Variants in KDM3B observed in about 807,000 individuals in gnomAD.
KDM3B encodes lysine demethylase 3B.
Under a neutral mutation model 170.0 loss-of-function variants are expected in KDM3B, and 10 were observed. That is an observed-to-expected ratio of 0.06 (90% CI 0.04 to 0.10). The LOEUF is 0.10. Ranked by LOEUF, KDM3B falls within the 10% of genes least tolerant of loss-of-function variation. KDM3B has a pLI of 1.00. For synonymous variants in KDM3B, 831 were observed against 834.8 expected, an observed-to-expected ratio of 1.00 and a Z score of 0.08; for missense variants, 1,394 against 2,195.2, an observed-to-expected ratio of 0.64 and a Z score of 7.29.
intron 8 of KDM3B, 70 bp from the exon 9 acceptor site, chr5:138,393,101 C>G (rs1309400853): frequency 7.6e-6 from 11 of 1,447,322 alleles, no homozygotes; most frequent in Non-Finnish European, 1.1e-5. Context: ...TGTCTGTCCC[C>G]AAAAGAATCA....
At position 138,381,542 on chromosome 5, in the gene KDM3B, C is replaced by T; in HGVS notation, c.732C>T (p.Pro244=). The T allele has an allele frequency of 6.2e-7, 1 of 1,604,458 alleles. No individual in the cohort carries two copies. ...TESGEIKSVD[P]RLIHVMLMDN... is the part of the protein sequence containing the mutation. ...GTGGTGAGATCAAGTCGGTAGATCC[C>T]AGACTAATCCATGTGATGCTGATGG... Residue 244 remains proline, a synonymous_variant, in exon 6 of 24, where the codon CCC becomes CCT. Transcript: ENST00000314358.
chr5:138,377,575 C>G, intron 3 of KDM3B, 145 bp from the exon 4 acceptor site: 1 of 555,746 alleles, frequency 1.8e-6, no homozygotes, highest in Non-Finnish European at 3.2e-6. Flanking sequence ...GGCATGATCA[C>G]CACGCCTAGC....
chr5:138,370,470 T>G (rs926248645), intron 1 of KDM3B, among the ~76,000 whole-genome samples: 3 of 152,220 alleles, frequency 2.0e-5, no homozygotes, highest in Non-Finnish European at 1.5e-5. Context: ...AATTTTTATG[T>G]TGGTTACTTG....
intron 1 of KDM3B, among the ~76,000 whole-genome samples, chr5:138,357,093 C>CA (rs1419486884): frequency 3.3e-5 from 5 of 151,562 alleles, no homozygotes; most frequent in Non-Finnish European, 7.4e-5. Flanking sequence ...AATTACAGCT[C>CA]ACTGCTGGGC....
intron 1 of KDM3B, among the ~76,000 whole-genome samples, chr5:138,360,293 A>T (rs1488287866): frequency 6.6e-6 from 1 of 152,178 alleles, no homozygotes; most frequent in South Asian, 2.1e-4. Flanking sequence ...TTATTAATGT[A>T]AATAGAATAT....
chr5:138,374,680 A>G (rs1345917852), intron 2 of KDM3B, among the ~76,000 whole-genome samples: 3 of 152,214 alleles, frequency 2.0e-5, no homozygotes, highest in African/African-American at 7.2e-5. Flanking sequence ...GGTAATATGA[A>G]TTAACCATGC....
At chr5:138,365,284 A>G (rs1402875685) in intron 1 of KDM3B, among the ~76,000 whole-genome samples, 1 of 152,080 alleles carries the variant, frequency 6.6e-6, no homozygotes, top group Non-Finnish European at 1.5e-5. Context: ...TTATGAGACA[A>G]AGTTTCGCTC....
chr5:138,391,878 G>A lies in KDM3B; in HGVS notation c.2246G>A (p.Arg749Lys). The A allele has an allele frequency of 1.2e-6, 2 of 1,614,110 alleles. No individual in the cohort carries two copies. The highest frequency in any genetic ancestry group is 2.7e-5 in the African/African-American group (2 of 75,048). Reference sequence around the variant, plus strand: ...CTCTCCTCTAGCCCCACAGAGGAGAGGCCAACTGTGGGGCCTGGGCAGCAG... The same window carrying A: ...CTCTCCTCTAGCCCCACAGAGGAGAAGCCAACTGTGGGGCCTGGGCAGCAG... ...PTLSSSPTEE[R>K]PTVGPGQQDN... Residue 749 changes from arginine (R) to lysine (K), a missense_variant, in exon 8 of 24, where the codon AGG becomes AAG. Transcript: ENST00000314358. This position sits in a 1 kb window ranked among gnomAD's most constrained non-coding sequence, Gnocchi z 5.0.
At chr5:138,413,720 G>A (rs764082498) in intron 11 of KDM3B, among the ~76,000 whole-genome samples, 12 of 151,828 alleles carry the variant, frequency 7.9e-5, no homozygotes, top group Admixed American at 3.3e-4. Flanking sequence ...TGCAGCCTCC[G>A]CCTCCCAGGC....
At chr5:138,353,134 C>T in intron 1 of KDM3B, 147 bp downstream of exon 1, 1 of 673,846 alleles carries the variant, frequency 1.5e-6, no homozygotes, top group East Asian at 3.8e-5. Flanking sequence ...CCGGCACCTC[C>T]GCACCCCGAG....
chr5:138,368,581 A>G (rs1369587329), intron 1 of KDM3B, among the ~76,000 whole-genome samples: 1 of 152,032 alleles, frequency 6.6e-6, no homozygotes, highest in Non-Finnish European at 1.5e-5. Flanking sequence ...TAACTCTTTC[A>G]TTTTTGTAGC....
Position 138,352,858 on chromosome 5 carries a change from G to GGCCTCA in KDM3B, c.69_74dup (p.Ser27_Ala28dup), listed in dbSNP as rs1401249843. Reference sequence around the variant, plus strand: ...TGCTGCTGCTGTTCGCGGACACTGCGGCCTCAGCCTCGGCCTCGGCTCCCG... The same window carrying GGCCTCA: ...TGCTGCTGCTGTTCGCGGACACTGCGGCCTCAGCCTCAGCCTCGGCCTCGGCTCCCG... On this transcript the variant is annotated inframe_insertion, in exon 1 of 24. Coordinates refer to ENST00000314358, the MANE Select transcript of KDM3B (RefSeq NM_016604.4). 1 of 1,376,412 alleles carries GGCCTCA rather than the reference G, an allele frequency of 7.3e-7. No individual in the cohort carries two copies. Among genetic ancestry groups the GGCCTCA allele is most frequent in the Non-Finnish European group, 9.4e-7 (1 of 1,061,822 alleles). The allele number at this position is 1,376,412 out of a possible 1,614,324, so 85.3% of individuals were successfully genotyped here.
rs1763662560 is a variant in KDM3B at position 138,435,892 on chromosome 5, C to T, written c.*192C>T. ...GTTGACACAGGAAAGTCGTACTGTT[C>T]ACACACACAGTTTGAGACTCCAAGC... On this transcript the variant is annotated 3_prime_UTR_variant, in exon 24 of 24. Coordinates refer to ENST00000314358, the MANE Select transcript of KDM3B (RefSeq NM_016604.4). 2 of 576,692 alleles carry T rather than the reference C, an allele frequency of 3.5e-6. No individual in the cohort carries two copies. The allele number at this position is 576,692 out of a possible 1,614,324, so 35.7% of individuals were successfully genotyped here.
At chr5:138,378,677 G>A (rs1176459471) in intron 4 of KDM3B, among the ~76,000 whole-genome samples, 1 of 151,886 alleles carries the variant, frequency 6.6e-6, no homozygotes, top group Non-Finnish European at 1.5e-5. Flanking sequence ...AGGATAAAAT[G>A]ATGTTAAATA....
chr5:138,379,844 CT>C (rs1381304306), intron 5 of KDM3B, 136 bp downstream of exon 5: 1 of 733,862 alleles, frequency 1.4e-6, no homozygotes, highest in Admixed American at 3.6e-5. Flanking sequence ...TGTATAACCC[CT>C]AGAAAGGCTA....
At chr5:138,355,119 C>T (rs1367883555) in intron 1 of KDM3B, among the ~76,000 whole-genome samples, 1 of 152,152 alleles carries the variant, frequency 6.6e-6, no homozygotes, top group Non-Finnish European at 1.5e-5. Context: ...GTGTTCTTCC[C>T]GTACTCAAGG....
intron 3 of KDM3B, among the ~76,000 whole-genome samples, chr5:138,377,315 G>A (rs1762023073): frequency 2.0e-5 from 3 of 152,214 alleles, no homozygotes; most frequent in Admixed American, 1.3e-4. Flanking sequence ...TGACTTCTCA[G>A]AGCCTTTAAT....
intron 20 of KDM3B, among the ~76,000 whole-genome samples, chr5:138,428,775 G>A (rs868799001): frequency 2.0e-4 from 31 of 152,120 alleles, no homozygotes; most frequent in African/African-American, 5.3e-4. Flanking sequence ...GATAAAGCCA[G>A]GACCTTCATA....
chr5:138,352,780 C>A lies in KDM3B; in HGVS notation c.-16C>A. 8.1e-7 allele frequency: 1 copy of A among 1,236,194 alleles called. No homozygotes were observed. The highest frequency in any genetic ancestry group is 3.0e-5 in the South Asian group (1 of 33,556). The allele number at this position is 1,236,194 out of a possible 1,614,324, so 76.6% of individuals were successfully genotyped here. A position where few individuals can be genotyped will look rare whatever the true frequency, so the allele number is the denominator to read the frequency against. On this transcript the variant is annotated 5_prime_UTR_variant, in exon 1 of 24. Coordinates refer to ENST00000314358, the MANE Select transcript of KDM3B (RefSeq NM_016604.4). The stretch of plus-strand genomic sequence containing the variant: ...GGAGGCGGCGGGCGGGAGCGCGGGT[C>A]AGGCCGGCCCCGGCGATGGCGGACG...
Sources: allele counts gnomAD v4.1 joint callset (sites outside exome capture counted in the v4.1 genomes callset), GRCh38; gene constraint gnomAD v4.1.1; non-coding constraint Gnocchi (gnomAD v3.1); transcripts MANE v1.5; gene names NCBI Gene and HGNC (gene_info 2026-07-23, HGNC 2026-07-21).